TMEM144: variants seen among roughly 807,000 people sequenced by gnomAD.
TMEM144 encodes the protein transmembrane protein 144.
A neutral mutation model predicts 43.6 loss-of-function variants in TMEM144; 39 were observed. The ratio of observed to expected loss-of-function variants is 0.90; its 90% CI spans 0.69 to 1.17. The LOEUF (loss-of-function observed/expected upper bound fraction) is 1.17, where lower values mean the gene tolerates loss of function less well. TMEM144 is among the 50% of genes most tolerant of loss of function. The pLI, the probability that TMEM144 is intolerant of heterozygous loss-of-function variation, is 0.00. For synonymous variants in TMEM144, 154 were observed against 133.6 expected (o/e 1.15, Z -1.06); for missense variants, 417 against 411.9 (o/e 1.01, Z -0.11).
intron 6 of TMEM144, among the ~76,000 whole-genome samples, chr4:158,225,561 G>C (rs1219969360): frequency 6.6e-6 from 1 of 152,112 alleles, no homozygotes; most frequent in Non-Finnish European, 1.5e-5. Context: ...ACCTATAAGG[G>C]GCTTCTCTCA....
chr4:158,213,101 T>TA (rs879926026), intron 3 of TMEM144: 2 of 411,986 alleles, frequency 4.9e-6, no homozygotes, highest in Non-Finnish European at 8.7e-6. Flanking sequence ...ATTGATATAT[T>TA]AGAGAACAAT....
At chr4:158,219,953 G>A (rs1000020619) in intron 6 of TMEM144, among the ~76,000 whole-genome samples, 5 of 152,144 alleles carry the variant, frequency 3.3e-5, no homozygotes, top group African/African-American at 1.2e-4. Flanking sequence ...ACGAATAAGG[G>A]TGAAAATGAC....
rs751833738 is a variant in TMEM144, at chr4:158,232,970, A to C, written c.483A>C (p.Leu161Phe). 9 of 1,609,280 alleles carry C rather than the reference A, an allele frequency of 5.6e-6. No homozygotes were observed. The highest frequency in any genetic ancestry group is 7.6e-6 in the Non-Finnish European group (9 of 1,177,154). ...CGTGTTCCATGGATACCACTCCATT[A>C]ATAACAGAGCATGTGAGTATAGTAT... The part of the protein sequence containing the change: ...NNTCSMDTTP[L>F]ITEHVINTTQ... The change falls in exon 7 of 13, where the codon TTA becomes TTC. Residue 161 changes from leucine (L) to phenylalanine (F), a missense_variant. Transcript: ENST00000296529.
At chr4:158,242,811 C>T (rs12504564) in intron 11 of TMEM144, among the ~76,000 whole-genome samples, 14,283 of 152,218 alleles carry the variant, frequency 0.094, 770 homozygotes, top group Middle Eastern at 0.13. Flanking sequence ...CTGATTTACA[C>T]CTAACTTACA....
chr4:158,215,135 G>A, intron 3 of TMEM144, 56 bp from the exon 4 acceptor site: 1 of 1,609,508 alleles, frequency 6.2e-7, no homozygotes, highest in Admixed American at 1.7e-5. Context: ...ATATTCCTGA[G>A]CACAAATTTA....
At chr4:158,249,701 TTAA>T (rs750795687) in intron 12 of TMEM144, among the ~76,000 whole-genome samples, 2 of 152,226 alleles carry the variant, frequency 1.3e-5, no homozygotes, top group Non-Finnish European at 2.9e-5. Flanking sequence ...GACCCATTTT[TTAA>T]TTTAAGTAAT....
chr4:158,213,014 G>A, intron 3 of TMEM144: 1 of 554,486 alleles, frequency 1.8e-6, no homozygotes, highest in East Asian at 2.9e-5. Context: ...AAATCTCTTG[G>A]GCCATTATAT....
At chr4:158,228,091 C>G (rs948818442) in intron 6 of TMEM144, among the ~76,000 whole-genome samples, 5 of 152,224 alleles carry the variant, frequency 3.3e-5, no homozygotes, top group East Asian at 1.9e-4. Flanking sequence ...GAAATCCAAG[C>G]CAGGTCAAAA....
intron 6 of TMEM144, among the ~76,000 whole-genome samples, chr4:158,226,613 C>A (rs1207862401): frequency 1.3e-5 from 2 of 151,780 alleles, no homozygotes; most frequent in Non-Finnish European, 2.9e-5. Context: ...CTTTATACAC[C>A]TTGCACATAA....
intron 6 of TMEM144, among the ~76,000 whole-genome samples, chr4:158,227,335 C>T (rs1438469635): frequency 6.6e-6 from 1 of 152,052 alleles, no homozygotes; most frequent in Non-Finnish European, 1.5e-5. Context: ...TTGGGCCATC[C>T]ACGGGTTACT....
At chr4:158,216,929 A>C (rs1178565633) in intron 4 of TMEM144, among the ~76,000 whole-genome samples, 2 of 152,136 alleles carry the variant, frequency 1.3e-5, no homozygotes, top group Non-Finnish European at 2.9e-5. Context: ...TGGAAGAGCA[A>C]ATTCTGGGCC....
intron 7 of TMEM144, chr4:158,234,547 A>T (rs937529152): frequency 1.3e-5 from 2 of 152,232 alleles, no homozygotes; most frequent in African/African-American, 4.8e-5. Flanking sequence ...TCTCAAAAAA[A>T]AAAAACCAAA....
rs562279292 is a variant in TMEM144, at chr4:158,238,737, C to T, written c.682+1094C>T. ...TAGGCACAAGGGAAATCAGATCAGT[C>T]TCATGATTCAATGAGCACAAGATAA... On this transcript the variant is annotated intron_variant, in intron 9 of 12. Transcript: ENST00000296529. Among the ~76,000 whole-genome samples the T allele has an allele frequency of 2.2e-4, 34 of 152,222 alleles. 1 individual carries two copies. The South Asian group carries it at 7.1e-3, about 32-fold the overall frequency.
intron 6 of TMEM144, among the ~76,000 whole-genome samples, chr4:158,228,238 T>G (rs778785564): frequency 2.0e-5 from 3 of 147,208 alleles, no homozygotes; most frequent in Non-Finnish European, 4.5e-5. Context: ...TCCTGTCAAG[T>G]AATCAAACCA....
intron 6 of TMEM144, among the ~76,000 whole-genome samples, chr4:158,228,361 A>G (rs1734881784): frequency 6.6e-6 from 1 of 151,684 alleles, no homozygotes; most frequent in South Asian, 2.1e-4. Flanking sequence ...CTGTCAAGCA[A>G]TTCAAACCAA....
intron 6 of TMEM144, among the ~76,000 whole-genome samples, chr4:158,232,011 GCTT>G (rs1735106483): frequency 6.6e-6 from 1 of 152,140 alleles, no homozygotes; most frequent in Non-Finnish European, 1.5e-5. Flanking sequence ...TGCTTTGAAA[GCTT>G]CTTATTTTGT....
chr4:158,236,458 C>G (rs934164118), intron 8 of TMEM144, among the ~76,000 whole-genome samples: 1 of 152,062 alleles, frequency 6.6e-6, no homozygotes. Context: ...TAGGCTTAGT[C>G]TATTAGTCTT....
intron 12 of TMEM144, among the ~76,000 whole-genome samples, chr4:158,245,110 A>C (rs1735820329): frequency 6.6e-6 from 1 of 152,086 alleles, no homozygotes; most frequent in Non-Finnish European, 1.5e-5. Flanking sequence ...CAAACCAGCA[A>C]TTTTGTAGGA....
At chr4:158,225,884 A>T (rs1311278172) in intron 6 of TMEM144, among the ~76,000 whole-genome samples, 1 of 152,246 alleles carries the variant, frequency 6.6e-6, no homozygotes, top group Non-Finnish European at 1.5e-5. Context: ...GCTGACCCGC[A>T]GGGTGCCGGA....
Sources: allele counts gnomAD v4.1 joint callset (sites outside exome capture counted in the v4.1 genomes callset), GRCh38; gene constraint gnomAD v4.1.1; transcripts MANE v1.5; gene names NCBI Gene and HGNC (gene_info 2026-07-23, HGNC 2026-07-21).